The following B3GAT3 variants were observed in gnomAD, a reference collection of about 807,000 sequenced individuals.
B3GAT3 encodes galactosylgalactosylxylosylprotein 3-beta-glucuronosyltransferase 3.
Under a neutral mutation model 33.1 loss-of-function variants are expected in B3GAT3, and 19 were observed. The ratio of observed to expected loss-of-function variants is 0.57; its 90% confidence interval spans 0.40 to 0.84. The LOEUF (loss-of-function observed/expected upper bound fraction) is 0.84. Among genes scored for constraint, B3GAT3 ranks in the 40% least tolerant of loss-of-function variants. The probability of loss-of-function intolerance (pLI) is 0.00; values close to 1 mark genes in which losing one functional copy is unlikely to be tolerated. For synonymous variants in B3GAT3, 167 were observed against 193.5 expected (o/e 0.86, Z 1.14); for missense variants, 344 against 441.5 (o/e 0.78, Z 1.98).
Position 62,615,306 on chromosome 11 carries a change from G to C in B3GAT3, c.*395C>G. On this transcript the variant is annotated 3_prime_UTR_variant, in exon 5 of 5. Coordinates refer to ENST00000265471, the MANE Select transcript of B3GAT3 (RefSeq NM_012200.4). Reference sequence around the variant, plus strand: ...AAAACAAGAGGCCCCTCCAGGTTGAGATTCTTTATTCTGGAGGTAGGAAGG... The same window carrying C: ...AAAACAAGAGGCCCCTCCAGGTTGACATTCTTTATTCTGGAGGTAGGAAGG... The C allele has an allele frequency of 2.7e-6, 1 of 375,054 alleles. No individual in the cohort carries two copies. Among genetic ancestry groups the C allele is most frequent in the Non-Finnish European group, 5.0e-6 (1 of 201,026 alleles). The allele number at this position is 375,054 out of a possible 1,614,324, so 23.2% of individuals were successfully genotyped here.
At chr11:62,619,688 C>T (rs1452231383) in intron 2 of B3GAT3, among the ~76,000 whole-genome samples, 2 of 135,412 alleles carry the variant, frequency 1.5e-5, no homozygotes, top group African/African-American at 2.7e-5. Flanking sequence ...TGCACCATCA[C>T]GCCTAGCTAA....
At chr11:62,616,311 A>G in intron 4 of B3GAT3, 195 bp downstream of exon 4, 1 of 775,472 alleles carries the variant, frequency 1.3e-6, no homozygotes, top group Non-Finnish European at 2.1e-6. Context: ...GGGTTCCCAG[A>G]ACTCGGGGCA....
rs1943152284 is a variant in B3GAT3 at position 62,621,860 on chromosome 11, G to A, written c.82+6C>T. 3 of 1,609,938 alleles carry A rather than the reference G, an allele frequency of 1.9e-6. No individual in the cohort carries two copies. The highest frequency in any genetic ancestry group is 1.3e-5 in the African/African-American group (1 of 74,548). On this transcript the variant is annotated splice_donor_region_variant and intron_variant, in intron 1 of 4. Transcript: ENST00000265471. Reference sequence around the variant, plus strand: ...GCCCGCCGCACCCCCGCCCCGCCCCGCTCACCGAGCTGTACCAGCGCGTAG... The same window carrying A: ...GCCCGCCGCACCCCCGCCCCGCCCCACTCACCGAGCTGTACCAGCGCGTAG...
In B3GAT3 at chr11:62,617,275, C is replaced by A; in HGVS notation, c.330G>T (p.Leu110=). The A allele has an allele frequency of 1.2e-6, 2 of 1,613,196 alleles. No individual in the cohort carries two copies. The highest frequency in any genetic ancestry group is 1.7e-6 in the Non-Finnish European group (2 of 1,179,972). ...GGGTGGGACCCTCAGCATCCTCCAC[C>A]AGCAGCCAATGCAGCCGGGGCACCA... ...LSLVPRLHWL[L]VEDAEGPTPL... is the part of the protein sequence containing the mutation. The change falls in exon 3 of 5, where the codon CTG becomes CTT. Residue 110 remains leucine, a synonymous_variant. Coordinates refer to ENST00000265471, the MANE Select transcript of B3GAT3 (RefSeq NM_012200.4).
At position 62,621,960 on chromosome 11, in the gene B3GAT3, G is replaced by T. The variant is rs777232498; in HGVS notation, c.-13C>A. On this transcript the variant is annotated 5_prime_UTR_variant, in exon 1 of 5. Coordinates refer to ENST00000265471, the MANE Select transcript of B3GAT3 (RefSeq NM_012200.4). Reference sequence around the variant, plus strand: ...GCTTCAGCTTCATGGCCGCGCCGCCGCCCGCGCCCGAGCAGGCGGGGTCTG... The same window carrying T: ...GCTTCAGCTTCATGGCCGCGCCGCCTCCCGCGCCCGAGCAGGCGGGGTCTG... 4 of 1,612,436 alleles carry T rather than the reference G, an allele frequency of 2.5e-6. No homozygotes were observed. In the Admixed American group the frequency reaches 6.7e-5, roughly 27 times the overall value.
In B3GAT3 at chr11:62,617,366, G is replaced by A. The variant is rs1353509580; in HGVS notation, c.258-19C>T. 1 of 1,609,312 alleles carries A rather than the reference G, an allele frequency of 6.2e-7. No homozygotes were observed. The highest frequency in any genetic ancestry group is 1.1e-5 in the South Asian group (1 of 91,072). ...TACCAGCCTGCAGGGGAGAGATGCA[G>A]CACAAGGAAAAGGGGCAGGCACCAT... On this transcript the variant is annotated intron_variant, in intron 2 of 4. Coordinates refer to ENST00000265471, the MANE Select transcript of B3GAT3 (RefSeq NM_012200.4).
rs561897421 is a variant in B3GAT3 at position 62,619,289 on chromosome 11, G to A, written c.257+1208C>T. 2.4e-4 allele frequency among the ~76,000 whole-genome samples: 36 copies of A among 152,164 alleles called. No individual in the cohort carries two copies. In the South Asian group the frequency reaches 6.6e-3, roughly 28 times the overall value. On this transcript the variant is annotated intron_variant, in intron 2 of 4. Transcript: ENST00000265471. ...CCAGGGCTGGTTGTGTGTGCATGTC[G>A]CAGGTGGGGTCTAGAGCTTCCTATG...
intron 2 of B3GAT3, among the ~76,000 whole-genome samples, chr11:62,618,511 A>C (rs1260342407): frequency 6.6e-6 from 1 of 151,362 alleles, no homozygotes; most frequent in Non-Finnish European, 1.5e-5. Flanking sequence ...AAATATAAAA[A>C]ATTAGCTGGG....
chr11:62,620,471 C>T (rs766554864), intron 2 of B3GAT3, 26 bp downstream of exon 2: 10 of 1,609,030 alleles, frequency 6.2e-6, no homozygotes, highest in Non-Finnish European at 8.5e-6. Flanking sequence ...ACAACGCAGA[C>T]CTCTTGAGTG....
At chr11:62,621,755 G>C (rs1943149031) in intron 1 of B3GAT3, 111 bp downstream of exon 1, 6 of 1,206,614 alleles carry the variant, frequency 5.0e-6, no homozygotes, top group Non-Finnish European at 6.9e-6. Context: ...AGAGCTGTCC[G>C]GAGGGCCGAG....
At chr11:62,621,066 G>A in intron 1 of B3GAT3, 1 of 471,756 alleles carries the variant, frequency 2.1e-6, no homozygotes, top group Non-Finnish European at 4.2e-6. Context: ...TGAGGATAAC[G>A]CAGTGGCACT....
intron 2 of B3GAT3, among the ~76,000 whole-genome samples, chr11:62,619,904 G>C (rs1383374916): frequency 6.6e-6 from 1 of 151,936 alleles, no homozygotes; most frequent in African/African-American, 2.4e-5. Context: ...CCTAAGGAGA[G>C]AGAGTTAATT....
At chr11:62,617,629 C>T (rs914850298) in intron 2 of B3GAT3, among the ~76,000 whole-genome samples, 2 of 150,564 alleles carry the variant, frequency 1.3e-5, no homozygotes, top group Admixed American at 6.6e-5. Flanking sequence ...TATAATAACA[C>T]TTTGGGAGGC....
rs1943046566 is a variant in B3GAT3 at position 62,617,083 on chromosome 11, A to G, written c.522T>C (p.Ala174=). 1 of 1,614,094 alleles carries G rather than the reference A, an allele frequency of 6.2e-7. No homozygotes were observed. Among genetic ancestry groups the G allele is most frequent in the Non-Finnish European group, 8.5e-7 (1 of 1,180,012 alleles). Residue 174 remains alanine (A), a synonymous_variant, in exon 3 of 5, where the codon GCT becomes GCC. Transcript: ENST00000265471. ...GTGGTGGGTCCTTCTCCCCACCCAC[A>G]GCACCCCCTCTGCCCCGGAGCCAGT... The part of the protein sequence containing the change: ...ALDWLRGRGG[A]VGGEKDPPPP...
At position 62,616,782 on chromosome 11, in the gene B3GAT3, A is replaced by G; in HGVS notation, c.633T>C (p.Arg211=). ...GCCCCACAGGCCACACTGAGACACC[A>G]CGGGTCCAGCGCATCTAACGGAGGT... ...RELFEEMRWT[R]GVSVWPVGLV... is the part of the protein sequence containing the mutation. The change falls in exon 4 of 5, where the codon CGT becomes CGC. Residue 211 remains arginine (R), a synonymous_variant. Transcript: ENST00000265471. 1 of 1,614,038 alleles carries G rather than the reference A, an allele frequency of 6.2e-7. No homozygotes were observed. Among genetic ancestry groups the G allele is most frequent in the Non-Finnish European group, 8.5e-7 (1 of 1,179,972 alleles).
Position 62,616,421 on chromosome 11 carries a change from C to T in B3GAT3, c.909+85G>A, listed in dbSNP as rs1293530109. The T allele has an allele frequency of 1.3e-5, 20 of 1,577,454 alleles. No individual in the cohort carries two copies. In the Admixed American group the frequency reaches 3.2e-4, roughly 25 times the overall value. On this transcript the variant is annotated intron_variant, in intron 4 of 4. Transcript: ENST00000265471. ...TCTGGAGAGTCCCTCCTGGTTAAAC[C>T]ACCCATTCCCAGGGTCTCACTGTAC...
intron 3 of B3GAT3, 48 bp from the exon 4 acceptor site, chr11:62,616,844 G>T: frequency 1.2e-6 from 2 of 1,612,942 alleles, no homozygotes; most frequent in African/African-American, 1.3e-5. Flanking sequence ...CCGGGGAAGG[G>T]AGCAGCAGAA....
In B3GAT3 at chr11:62,616,121, G is replaced by C. The variant is rs192253778; in HGVS notation, c.910-322C>G. ...TAGCCGGGCGTGGTAGCGGGTGCCT[G>C]TAGTCCCAGCTACTTGGGAGGCTGA... On this transcript the variant is annotated intron_variant, in intron 4 of 4. Coordinates refer to ENST00000265471, the MANE Select transcript of B3GAT3 (RefSeq NM_012200.4). 1.8e-4 allele frequency: 107 copies of C among 599,102 alleles called. 1 individual carries two copies. The African/African-American group carries it at 1.9e-3, about 11-fold the overall frequency. 37.1% of individuals were successfully genotyped at this position (599,102 alleles called of 1,614,324 possible).
chr11:62,618,985 G>GA (rs755888755), intron 2 of B3GAT3, among the ~76,000 whole-genome samples: 25 of 119,530 alleles, frequency 2.1e-4, no homozygotes, highest in African/African-American at 2.7e-4. Context: ...TCCATCTCGG[G>GA]AAAAAAAAAA....
Sources: allele counts gnomAD v4.1 joint callset (sites outside exome capture counted in the v4.1 genomes callset), GRCh38; gene constraint gnomAD v4.1.1; transcripts MANE v1.5; gene names NCBI Gene and HGNC (gene_info 2026-07-23, HGNC 2026-07-21).